VCAM1: variants seen among roughly 807,000 people sequenced by gnomAD.
VCAM1 encodes vascular cell adhesion molecule 1, also known as vascular cell adhesion protein 1.
VCAM1 carries 41 observed loss-of-function variants against 63.8 expected under a neutral mutation model. The observed-to-expected ratio is 0.64, with a 90% CI of 0.50 to 0.83. The LOEUF is 0.83. Among genes scored for constraint, VCAM1 ranks in the 40% least tolerant of loss-of-function variants. The pLI, the probability that VCAM1 is intolerant of heterozygous loss-of-function variation, is 0.00. For synonymous variants in VCAM1, 338 were observed against 320.7 expected (o/e 1.05, Z -0.58); for missense variants, 798 against 875.5 (o/e 0.91, Z 1.12).
In VCAM1 at chr1:100,731,515, A is replaced by G. The variant is rs1387859674; in HGVS notation, c.1522A>G (p.Asn508Asp). ...QRQSTQTLYV[N>D]VAPRDTTVLV... The stretch of plus-strand genomic sequence containing the variant: ...GCAGAGTACGCAAACACTTTATGTC[A>G]ATGGTAAGTACATATGTGAGGTATC... The change falls in exon 6 of 9, where the codon AAT (asparagine) becomes GAT (aspartate). Residue 508 changes from asparagine to aspartate, a missense_variant. By Grantham distance (23) the Asn-to-Asp change is conservative. Transcript: ENST00000294728. This position sits in a 1 kb window ranked among gnomAD's most constrained non-coding sequence, Gnocchi z 4.2. The G allele has an allele frequency of 5.0e-6, 8 of 1,611,844 alleles. No individual in the cohort carries two copies. The African/African-American group carries it at 9.4e-5, about 19-fold the overall frequency.
intron 2 of VCAM1, among the ~76,000 whole-genome samples, chr1:100,721,659 A>C (rs758907129): frequency 6.6e-6 from 1 of 152,058 alleles, no homozygotes; most frequent in Non-Finnish European, 1.5e-5. Context: ...TGATTCTGCA[A>C]CAAACCGCAT....
In VCAM1 at chr1:100,724,872, G is replaced by A. The variant is rs1222269466; in HGVS notation, c.910G>A (p.Val304Met). The A allele has an allele frequency of 6.2e-7, 1 of 1,612,578 alleles. No homozygotes were observed. Among genetic ancestry groups the A allele is most frequent in the Non-Finnish European group, 8.5e-7 (1 of 1,179,112 alleles). The change falls in exon 4 of 9, where the codon GTG (valine) becomes ATG (methionine). Residue 304 changes from valine to methionine, a missense_variant. Coordinates refer to ENST00000294728, the MANE Select transcript of VCAM1 (RefSeq NM_001078.4). ...TTTGATTGGGAAAAACAGAAAAGAG[G>A]TGGAATTAATTGTTCAAGGTGAGTA... Reference protein sequence around the residue: ...VNLIGKNRKEVELIVQEKPFT... With the variant: ...VNLIGKNRKEMELIVQEKPFT...
Position 100,738,114 on chromosome 1 carries a change from A to G in VCAM1, c.2060-9A>G. The G allele has an allele frequency of 1.9e-6, 3 of 1,611,216 alleles. No individual in the cohort carries two copies. The highest frequency in any genetic ancestry group is 2.5e-6 in the Non-Finnish European group (3 of 1,178,942). On this transcript the variant is annotated splice_polypyrimidine_tract_variant and intron_variant, in intron 8 of 8. Transcript: ENST00000294728. Reference sequence around the variant, plus strand: ...AGACATTAATTGCATCCATTTTGTTATTTTCCAGGAAGAGAAAACAACAAA... The same window carrying G: ...AGACATTAATTGCATCCATTTTGTTGTTTTCCAGGAAGAGAAAACAACAAA...
intron 2 of VCAM1, among the ~76,000 whole-genome samples, chr1:100,721,551 C>T (rs997124809): frequency 6.6e-6 from 1 of 151,964 alleles, no homozygotes; most frequent in African/African-American, 2.4e-5. Flanking sequence ...AAAACTGAAC[C>T]CATTTACGGT....
rs770332711 is a variant in VCAM1, at chr1:100,723,229, C to T, written c.550C>T (p.Pro184Ser). 2.5e-6 allele frequency: 4 copies of T among 1,612,950 alleles called. No individual in the cohort carries two copies. The highest frequency in any genetic ancestry group is 3.4e-6 in the Non-Finnish European group (4 of 1,179,414). ...CAAGAGTTTGGAAGTAACCTTTACT[C>T]CTGTCATTGAGGATATTGGAAAAGT... is the stretch of plus-strand genomic sequence containing the variant. ...ETKSLEVTFT[P>S]VIEDIGKVLV... The change falls in exon 3 of 9, where the codon CCT (proline) becomes TCT (serine). Residue 184 changes from proline to serine, a missense_variant. By Grantham distance (74) the Pro-to-Ser change is moderately conservative. Transcript: ENST00000294728.
intron 8 of VCAM1, chr1:100,737,824 T>A (rs1252778144): frequency 4.9e-6 from 1 of 204,264 alleles, no homozygotes; most frequent in Non-Finnish European, 9.9e-6. Flanking sequence ...ATTCCTGTTC[T>A]TGTTAAAAAC....
chr1:100,724,654 A>G lies in VCAM1; in HGVS notation c.692A>G (p.Asn231Ser). Residue 231 changes from asparagine to serine, a missense_variant, in exon 4 of 9, where the codon AAT (asparagine) becomes AGT (serine). Transcript: ENST00000294728. ...CCCAAGAATACAGTTATTTCTGTGA[A>G]TCCATCCACAAAGCTGCAAGAAGGT... ...ISPKNTVISV[N>S]PSTKLQEGGS... 6.2e-7 allele frequency: 1 copy of G among 1,612,922 alleles called. No individual in the cohort carries two copies. The highest frequency in any genetic ancestry group is 1.1e-5 in the South Asian group (1 of 91,032).
chr1:100,732,549 G>A lies in VCAM1; in HGVS notation c.1657G>A (p.Gly553Arg), dbSNP rs200949878. Reference sequence around the variant, plus strand: ...CCTGTGGAGCAGGCAGCTCCCTAACGGGGAGCTACAGCCTCTTTCTGAGAA... The same window carrying A: ...CCTGTGGAGCAGGCAGCTCCCTAACAGGGAGCTACAGCCTCTTTCTGAGAA... ...KILWSRQLPN[G>R]ELQPLSENAT... is the part of the protein sequence containing the mutation. The change falls in exon 7 of 9, where the codon GGG becomes AGG. Residue 553 changes from glycine to arginine, a missense_variant. By Grantham distance (125) the Gly-to-Arg change is moderately radical. Transcript: ENST00000294728. 4.0e-5 allele frequency: 64 copies of A among 1,613,072 alleles called. No homozygotes were observed. The highest frequency in any genetic ancestry group is 1.6e-4 in the East Asian group (7 of 44,834).
At position 100,719,837 on chromosome 1, in the gene VCAM1, T is replaced by G. The variant is rs757653671; in HGVS notation, c.-24T>G. The G allele has an allele frequency of 6.2e-7, 1 of 1,609,322 alleles. No individual in the cohort carries two copies. Among genetic ancestry groups the G allele is most frequent in the South Asian group, 1.1e-5 (1 of 90,658 alleles). Reference sequence around the variant, plus strand: ...AAATAAGGGTTTTGGAACCACTATTTTCTCATCACGACAGCAACTTAAAAT... The same window carrying G: ...AAATAAGGGTTTTGGAACCACTATTGTCTCATCACGACAGCAACTTAAAAT... On this transcript the variant is annotated 5_prime_UTR_variant, in exon 1 of 9. Transcript: ENST00000294728.
Position 100,729,047 on chromosome 1 carries a change from G to A in VCAM1, c.929-60G>A, listed in dbSNP as rs1014941420. The A allele has an allele frequency of 8.2e-6, 12 of 1,464,768 alleles. No individual in the cohort carries two copies. The Middle Eastern group carries it at 5.5e-4, about 67-fold the overall frequency. The allele number at this position is 1,464,768 out of a possible 1,614,324, so 90.7% of individuals were successfully genotyped here. A position where few individuals can be genotyped will look rare whatever the true frequency, so the allele number is the denominator to read the frequency against. On this transcript the variant is annotated intron_variant, in intron 4 of 8. Coordinates refer to ENST00000294728, the MANE Select transcript of VCAM1 (RefSeq NM_001078.4). ...AAAAATAAAGATCATATGTCAGAAT[G>A]TGATGAAAAAAGAAAAGAATCTTAT... is the stretch of plus-strand genomic sequence containing the variant.
At position 100,724,692 on chromosome 1, in the gene VCAM1, A is replaced by G. The variant is rs1178928622; in HGVS notation, c.730A>G (p.Met244Val). 1 of 1,613,128 alleles carries G rather than the reference A, an allele frequency of 6.2e-7. No homozygotes were observed. The highest frequency in any genetic ancestry group is 2.2e-5 in the East Asian group (1 of 44,834). ...GCTGCAAGAAGGTGGCTCTGTGACCATGACCTGTTCCAGCGAGGGTCTACC... is the reference window on the plus strand; with the variant it reads ...GCTGCAAGAAGGTGGCTCTGTGACCGTGACCTGTTCCAGCGAGGGTCTACC... ...TKLQEGGSVT[M>V]TCSSEGLPAP... is the part of the protein sequence containing the mutation. The change falls in exon 4 of 9, where the codon ATG becomes GTG. Residue 244 changes from methionine (M) to valine (V), a missense_variant. Physicochemically the swap from Met to Val is conservative, Grantham distance 21 (BLOSUM62 1). Transcript: ENST00000294728.
At chr1:100,732,361 A>C in intron 6 of VCAM1, 57 bp from the exon 7 acceptor site, 1 of 1,478,446 alleles carries the variant, frequency 6.8e-7, no homozygotes, top group South Asian at 1.5e-5. Flanking sequence ...CATTATTAAA[A>C]CTCTTTGGAA....
chr1:100,723,389 G>A (rs199597324), intron 3 of VCAM1, 49 bp downstream of exon 3: 203 of 1,568,754 alleles, frequency 1.3e-4, no homozygotes, highest in Non-Finnish European at 1.7e-4. Context: ...TCCCACCTTG[G>A]TTGTGTATAG....
chr1:100,729,208 T>C lies in VCAM1; in HGVS notation c.1030T>C (p.Ser344Pro). ...TAGTGTCATGGGCTGTGAATCCCCA[T>C]CTTTCTCCTGGAGAACCCAGATAGA... ...TCSVMGCESP[S>P]FSWRTQIDSP... Residue 344 changes from serine (S) to proline (P), a missense_variant, in exon 5 of 9, where the codon TCT becomes CCT. Coordinates refer to ENST00000294728, the MANE Select transcript of VCAM1 (RefSeq NM_001078.4). 6.2e-7 allele frequency: 1 copy of C among 1,613,646 alleles called. No homozygotes were observed.
In VCAM1 at chr1:100,730,878, A is replaced by G. The variant is rs34552536; in HGVS notation, c.1205-320A>G. The stretch of plus-strand genomic sequence containing the variant: ...AAAATGTGAAATATATACTTACTAA[A>G]TAAGATGGTGGAAACTGATGTATAC... On this transcript the variant is annotated intron_variant, in intron 5 of 8. Transcript: ENST00000294728. Among the ~76,000 whole-genome samples the G allele has an allele frequency of 6.8e-3, 1,043 of 152,268 alleles. 27 individuals are homozygous for G. Among genetic ancestry groups the G allele is most frequent in the East Asian group, 0.068 (353 of 5,176 alleles).
chr1:100,732,930 T>TC (rs1462135443), intron 7 of VCAM1, among the ~76,000 whole-genome samples: 2 of 152,210 alleles, frequency 1.3e-5, no homozygotes. Flanking sequence ...AGGACCTGTG[T>TC]CAGAAGTTCC....
intron 5 of VCAM1, among the ~76,000 whole-genome samples, chr1:100,730,814 T>C (rs1424540555): frequency 6.6e-6 from 1 of 152,182 alleles, no homozygotes; most frequent in Non-Finnish European, 1.5e-5. Context: ...ATTAGGGGAC[T>C]AGTTTACAAT....
Position 100,731,102 on chromosome 1 carries a change from A to C in VCAM1, c.1205-96A>C. On this transcript the variant is annotated intron_variant, in intron 5 of 8. Transcript: ENST00000294728. This position sits in a 1 kb window ranked among gnomAD's most constrained non-coding sequence, Gnocchi z 4.2. ...ACAGTCATTCTATCCCAGGTGACTTAAAGCTGTCATTTTTAGGCCTTTACA... is the reference window on the plus strand; with the variant it reads ...ACAGTCATTCTATCCCAGGTGACTTCAAGCTGTCATTTTTAGGCCTTTACA... The C allele has an allele frequency of 8.2e-7, 1 of 1,220,538 alleles. No homozygotes were observed. 75.6% of individuals were successfully genotyped at this position (1,220,538 alleles called of 1,614,324 possible). A position where few individuals can be genotyped will look rare whatever the true frequency, so the allele number is the denominator to read the frequency against.
In VCAM1 at chr1:100,732,550, G is replaced by A; in HGVS notation, c.1658G>A (p.Gly553Glu). The stretch of plus-strand genomic sequence containing the variant: ...CTGTGGAGCAGGCAGCTCCCTAACG[G>A]GGAGCTACAGCCTCTTTCTGAGAAT... The part of the protein sequence containing the change: ...KILWSRQLPN[G>E]ELQPLSENAT... The change falls in exon 7 of 9, where the codon GGG becomes GAG. Residue 553 changes from glycine to glutamate, a missense_variant. Gly to Glu is a moderately conservative substitution (Grantham distance 98, BLOSUM62 -2). Coordinates refer to ENST00000294728, the MANE Select transcript of VCAM1 (RefSeq NM_001078.4). The A allele has an allele frequency of 6.2e-7, 1 of 1,613,104 alleles. No individual in the cohort carries two copies. The highest frequency in any genetic ancestry group is 8.5e-7 in the Non-Finnish European group (1 of 1,179,658).
Sources: allele counts gnomAD v4.1 joint callset (sites outside exome capture counted in the v4.1 genomes callset), GRCh38; gene constraint gnomAD v4.1.1; non-coding constraint Gnocchi (gnomAD v3.1); transcripts MANE v1.5; gene names NCBI Gene and HGNC (gene_info 2026-07-23, HGNC 2026-07-21).